The following GPATCH8 variants were observed in gnomAD, a reference collection of about 807,000 sequenced individuals.
GPATCH8 encodes G-patch domain containing 8.
In GPATCH8, 18 loss-of-function variants were observed where a neutral mutation model predicts 118.3. The observed-to-expected ratio is 0.15, with a 90% CI of 0.11 to 0.23. The LOEUF (loss-of-function observed/expected upper bound fraction) is 0.23, where lower values mean the gene tolerates loss of function less well. Ranked by LOEUF, GPATCH8 falls within the 10% of genes least tolerant of loss-of-function variation. GPATCH8 has a pLI of 1.00. For missense variants in GPATCH8, 1,631 were observed against 1,873.8 expected (o/e 0.87, Z 2.39); for synonymous variants, 659 against 684.7 (o/e 0.96, Z 0.59).
chr17:44,424,776 T>C (rs886168768), intron 5 of GPATCH8, among the ~76,000 whole-genome samples: 1 of 152,222 alleles, frequency 6.6e-6, no homozygotes, highest in African/African-American at 2.4e-5. Context: ...ATCTGAAATC[T>C]GAAACACCTT....
intron 1 of GPATCH8, among the ~76,000 whole-genome samples, chr17:44,475,400 GA>G (rs1037745769): frequency 7.4e-6 from 1 of 135,140 alleles, no homozygotes. Flanking sequence ...AAAAAAAAAA[GA>G]AAAAACTTTA....
At chr17:44,493,644 T>C (rs534533826) in intron 1 of GPATCH8, among the ~76,000 whole-genome samples, 19 of 152,240 alleles carry the variant, frequency 1.2e-4, no homozygotes, top group African/African-American at 4.3e-4. Flanking sequence ...TCTCAGCTAC[T>C]AGGGAGGCAG....
chr17:44,466,907 TC>T (rs112633719), intron 2 of GPATCH8, among the ~76,000 whole-genome samples: 3,087 of 150,062 alleles, frequency 0.021, 85 homozygotes, highest in African/African-American at 0.063. Flanking sequence ...AAATTGTTGC[TC>T]CCCCCCCCTC....
chr17:44,430,159 G>A (rs558136251), intron 5 of GPATCH8, among the ~76,000 whole-genome samples: 1 of 139,876 alleles, frequency 7.1e-6, no homozygotes, highest in East Asian at 2.2e-4. Flanking sequence ...AAATGCAAGG[G>A]AAAATAGAAG....
intron 1 of GPATCH8, among the ~76,000 whole-genome samples, chr17:44,500,923 T>C (rs1242343125): frequency 2.6e-5 from 4 of 152,210 alleles, no homozygotes; most frequent in Admixed American, 2.6e-4. Context: ...TAATTTTGAA[T>C]CAAAATACAT....
chr17:44,457,539 CAT>C (rs1204210940), intron 3 of GPATCH8, among the ~76,000 whole-genome samples: 1 of 152,182 alleles, frequency 6.6e-6, no homozygotes, highest in East Asian at 1.9e-4. Flanking sequence ...ACGGAATGTA[CAT>C]GTTATTACAT....
rs1006373492 is a variant in GPATCH8 at position 44,431,228 on chromosome 17, G to A, written c.348+3837C>T. 5.3e-5 allele frequency among the ~76,000 whole-genome samples: 8 copies of A among 151,336 alleles called. No individual in the cohort carries two copies. The South Asian group carries it at 6.3e-4, about 12-fold the overall frequency. On this transcript the variant is annotated intron_variant, in intron 5 of 7. Coordinates refer to ENST00000591680, the MANE Select transcript of GPATCH8 (RefSeq NM_001002909.4). ...TCCACTAAAAATACCAAAATAATTCGCTGGGTGTGATGGTGCACACCTGTA... is the reference window on the plus strand; with the variant it reads ...TCCACTAAAAATACCAAAATAATTCACTGGGTGTGATGGTGCACACCTGTA...
chr17:44,460,433 C>T (rs1017965928), intron 3 of GPATCH8, among the ~76,000 whole-genome samples: 2 of 151,938 alleles, frequency 1.3e-5, no homozygotes, highest in Non-Finnish European at 2.9e-5. Flanking sequence ...CAAAAATAAA[C>T]TCAGTTTACA....
chr17:44,476,821 A>G (rs1568045824), intron 1 of GPATCH8, among the ~76,000 whole-genome samples: 1 of 152,252 alleles, frequency 6.6e-6, no homozygotes, highest in Non-Finnish European at 1.5e-5. Flanking sequence ...AAGTAAAAAC[A>G]GTTTCAACAA....
At chr17:44,494,313 C>A in intron 1 of GPATCH8, among the ~76,000 whole-genome samples, 1 of 152,078 alleles carries the variant, frequency 6.6e-6, no homozygotes. Flanking sequence ...ATGGTCCGGC[C>A]GGGCACGGTG....
intron 1 of GPATCH8, among the ~76,000 whole-genome samples, chr17:44,498,432 T>C (rs1969823261): frequency 6.6e-6 from 1 of 152,232 alleles, no homozygotes; most frequent in South Asian, 2.1e-4. Flanking sequence ...CTCTGTGATG[T>C]TGAGATGTCC....
At chr17:44,470,102 C>A (rs62081256) in intron 2 of GPATCH8, among the ~76,000 whole-genome samples, 1 of 152,196 alleles carries the variant, frequency 6.6e-6, no homozygotes, top group Non-Finnish European at 1.5e-5. Context: ...GACCGACTAG[C>A]GGCTGATGGG....
chr17:44,488,223 CTTTTT>C (rs927607960), intron 1 of GPATCH8, among the ~76,000 whole-genome samples: 1 of 101,364 alleles, frequency 9.9e-6, no homozygotes, highest in South Asian at 3.4e-4. Context: ...GTGCCTGACC[CTTTTT>C]TTTTTTTTTT....
Position 44,400,268 on chromosome 17 carries a change from G to A in GPATCH8, c.1809C>T (p.Leu603=). The A allele has an allele frequency of 6.2e-7, 1 of 1,614,112 alleles. No individual in the cohort carries two copies. The highest frequency in any genetic ancestry group is 8.5e-7 in the Non-Finnish European group (1 of 1,179,966). ...KDIGSSSKDH[L]QGLDPGEPNK... ...TTGGCTCACCAGGATCTAGGCCTTGGAGATGGTCCTTTGAGGAGCTTCCTA... is the reference window on the plus strand; with the variant it reads ...TTGGCTCACCAGGATCTAGGCCTTGAAGATGGTCCTTTGAGGAGCTTCCTA... The change falls in exon 8 of 8, where the codon CTC becomes CTT. Residue 603 remains leucine, a synonymous_variant. Coordinates refer to ENST00000591680, the MANE Select transcript of GPATCH8 (RefSeq NM_001002909.4).
At chr17:44,419,706 G>A (rs117994523) in intron 6 of GPATCH8, among the ~76,000 whole-genome samples, 2,809 of 151,814 alleles carry the variant, frequency 0.019, 41 homozygotes, top group Non-Finnish European at 0.027. Flanking sequence ...TGTCACCCAG[G>A]CTGAGGTGCA....
rs9904499 is a variant in GPATCH8, at chr17:44,469,507, A to T, written c.121-4963T>A. 1.9e-3 allele frequency among the ~76,000 whole-genome samples: 292 copies of T among 152,354 alleles called. 1 individual carries two copies. Among genetic ancestry groups the T allele is most frequent in the African/African-American group, 6.6e-3 (275 of 41,590 alleles). The stretch of plus-strand genomic sequence containing the variant: ...GCCTATTATGTCTCAAGAGAAAACC[A>T]TGCTACAGGTATGTCCATGACTGGA... On this transcript the variant is annotated intron_variant, in intron 2 of 7. Coordinates refer to ENST00000591680, the MANE Select transcript of GPATCH8 (RefSeq NM_001002909.4).
intron 6 of GPATCH8, among the ~76,000 whole-genome samples, chr17:44,416,743 G>A (rs958201701): frequency 1.3e-5 from 2 of 152,134 alleles, no homozygotes; most frequent in African/African-American, 4.8e-5. Flanking sequence ...AAACAATTTA[G>A]ACAAAGTTAA....
intron 3 of GPATCH8, among the ~76,000 whole-genome samples, chr17:44,442,836 G>A (rs1344266140): frequency 6.6e-6 from 1 of 152,202 alleles, no homozygotes; most frequent in African/African-American, 2.4e-5. Context: ...CCAGCACTTG[G>A]GGAGGCCAAG....
In GPATCH8 at chr17:44,409,673, C is replaced by T. The variant is rs541148403; in HGVS notation, c.493-3622G>A. On this transcript the variant is annotated intron_variant, in intron 6 of 7. Coordinates refer to ENST00000591680, the MANE Select transcript of GPATCH8 (RefSeq NM_001002909.4). ...ATCCACTTATTACTAGGTGATTTCA[C>T]CTCTCTGAGTTCCAGCTCCCTCATT... is the stretch of plus-strand genomic sequence containing the variant. Among the ~76,000 whole-genome samples, 9 of 152,338 alleles carry T rather than the reference C, an allele frequency of 5.9e-5. No homozygotes were observed. In the South Asian group the frequency reaches 1.9e-3, roughly 32 times the overall value.
Sources: allele counts gnomAD v4.1 joint callset (sites outside exome capture counted in the v4.1 genomes callset), GRCh38; gene constraint gnomAD v4.1.1; transcripts MANE v1.5; gene names NCBI Gene and HGNC (gene_info 2026-07-23, HGNC 2026-07-21).